BASP1: variants seen among roughly 807,000 people sequenced by gnomAD.
BASP1 encodes brain abundant membrane attached signal protein 1.
In BASP1, 1 loss-of-function variant was observed where a neutral mutation model predicts 2.2. That is an observed-to-expected ratio of 0.46 (90% CI 0.16 to 2.17). The LOEUF (loss-of-function observed/expected upper bound fraction) is 2.17. Among genes scored for constraint, BASP1 ranks in the 30% most tolerant of loss-of-function variants. The probability of loss-of-function intolerance (pLI) is 0.27; values close to 1 mark genes in which losing one functional copy is unlikely to be tolerated. For synonymous variants in BASP1, 187 were observed against 154.2 expected (o/e 1.21, Z -1.58); for missense variants, 352 against 327.2 (o/e 1.08, Z -0.58).
intron 1 of BASP1, among the ~76,000 whole-genome samples, chr5:17,222,330 T>C (rs775305813): frequency 2.0e-5 from 3 of 152,206 alleles, no homozygotes; most frequent in African/African-American, 4.8e-5. Flanking sequence ...CTTATACTTA[T>C]GTAACTTAAG....
At chr5:17,232,352 C>G (rs1739648045) in intron 1 of BASP1, among the ~76,000 whole-genome samples, 2 of 152,158 alleles carry the variant, frequency 1.3e-5, no homozygotes, top group African/African-American at 2.4e-5. Context: ...TTAGTAACAG[C>G]CTTTGTGAAG....
chr5:17,256,478 A>C (rs1740213380), intron 1 of BASP1, among the ~76,000 whole-genome samples: 1 of 152,210 alleles, frequency 6.6e-6, no homozygotes, highest in Admixed American at 6.5e-5. Context: ...AGTGAATTTG[A>C]GTGCTCAATA....
In BASP1 at chr5:17,275,690, C is replaced by A; in HGVS notation, c.474C>A (p.Ala158=). The part of the protein sequence containing the change: ...PKKTEAPAAP[A]AQETKSDGAP... The stretch of plus-strand genomic sequence containing the variant: ...AGACTGAGGCGCCCGCAGCTCCTGC[C>A]GCCCAGGAGACCAAAAGTGACGGGG... The change falls in exon 2 of 2, where the codon GCC becomes GCA. Residue 158 remains alanine, a synonymous_variant. Transcript: ENST00000322611. This position sits in a 1 kb window ranked among gnomAD's most constrained non-coding sequence, Gnocchi z 5.3. The A allele has an allele frequency of 6.3e-7, 1 of 1,589,920 alleles. No individual in the cohort carries two copies. Among genetic ancestry groups the A allele is most frequent in the Non-Finnish European group, 8.6e-7 (1 of 1,168,690 alleles).
chr5:17,259,444 G>A (rs7700952), intron 1 of BASP1, among the ~76,000 whole-genome samples: 4,853 of 152,160 alleles, frequency 0.032, 239 homozygotes, highest in African/African-American at 0.11. Context: ...TTATTAATTT[G>A]GCAAACATTT....
chr5:17,235,533 A>G lies in BASP1; in HGVS notation c.-10+17723A>G, dbSNP rs570876102. 9.9e-5 allele frequency among the ~76,000 whole-genome samples: 15 copies of G among 152,182 alleles called. No homozygotes were observed. The South Asian group carries it at 3.1e-3, about 32-fold the overall frequency. ...CACCTCGGCCTCCCAAAGTGCTAGGATTACAGGCGTGAGCCACCACGCCTG... is the reference window on the plus strand; with the variant it reads ...CACCTCGGCCTCCCAAAGTGCTAGGGTTACAGGCGTGAGCCACCACGCCTG... On this transcript the variant is annotated intron_variant, in intron 1 of 1. Transcript: ENST00000322611.
intron 1 of BASP1, among the ~76,000 whole-genome samples, chr5:17,235,015 T>C (rs1739713146): frequency 6.6e-6 from 1 of 152,222 alleles, no homozygotes; most frequent in Admixed American, 6.5e-5. Context: ...ACATCTTAAA[T>C]TTCCATTAAA....
chr5:17,222,240 A>G (rs1243428507), intron 1 of BASP1, among the ~76,000 whole-genome samples: 5 of 152,110 alleles, frequency 3.3e-5, no homozygotes, highest in Non-Finnish European at 7.4e-5. Flanking sequence ...GAAATTCTGT[A>G]TTATATGGGA....
intron 1 of BASP1, among the ~76,000 whole-genome samples, chr5:17,224,464 A>T (rs866057956): frequency 7.4e-6 from 1 of 134,276 alleles, no homozygotes; most frequent in Non-Finnish European, 1.6e-5. Flanking sequence ...GGGGGAAAAA[A>T]GGGGAAGGGG....
chr5:17,255,207 C>G (rs952451380), intron 1 of BASP1, among the ~76,000 whole-genome samples: 1 of 152,136 alleles, frequency 6.6e-6, no homozygotes, highest in Non-Finnish European at 1.5e-5. Flanking sequence ...TGAAGTGACT[C>G]AATCCATTTA....
rs550426159 is a variant in BASP1 at position 17,258,992 on chromosome 5, G to C, written c.-9-16216G>C. 2.6e-4 allele frequency among the ~76,000 whole-genome samples: 39 copies of C among 152,304 alleles called. No individual in the cohort carries two copies. The South Asian group carries it at 7.9e-3, about 31-fold the overall frequency. Reference sequence around the variant, plus strand: ...ACACTATGCTGTTTGAACTCAACATGGCAGTAGAATCTGGAAATGGCACAC... The same window carrying C: ...ACACTATGCTGTTTGAACTCAACATCGCAGTAGAATCTGGAAATGGCACAC... On this transcript the variant is annotated intron_variant, in intron 1 of 1. Transcript: ENST00000322611.
chr5:17,272,291 C>A (rs1209553722), intron 1 of BASP1, among the ~76,000 whole-genome samples: 1 of 152,094 alleles, frequency 6.6e-6, no homozygotes, highest in East Asian at 1.9e-4. Context: ...CATAACATTC[C>A]TGGGCTGAGA....
chr5:17,253,175 A>G (rs1183797369), intron 1 of BASP1, among the ~76,000 whole-genome samples: 1 of 152,170 alleles, frequency 6.6e-6, no homozygotes, highest in Non-Finnish European at 1.5e-5. Context: ...GTTACTTTAA[A>G]AAGGACTTAT....
chr5:17,264,978 A>G (rs1005181192), intron 1 of BASP1, among the ~76,000 whole-genome samples: 2 of 152,250 alleles, frequency 1.3e-5, no homozygotes, highest in Non-Finnish European at 2.9e-5. Flanking sequence ...AGTAGTGAAC[A>G]TAGTAACTTT....
chr5:17,248,737 G>C (rs1437912740), intron 1 of BASP1, among the ~76,000 whole-genome samples: 1 of 151,950 alleles, frequency 6.6e-6, no homozygotes, highest in African/African-American at 2.4e-5. Context: ...CATATTTATG[G>C]GTGCCTACAA....
Position 17,275,164 on chromosome 5 carries a change from T to G in BASP1, c.-9-44T>G. On this transcript the variant is annotated intron_variant, in intron 1 of 1. Coordinates refer to ENST00000322611, the MANE Select transcript of BASP1 (RefSeq NM_006317.5). The surrounding 1 kb of genome is among the most constrained non-coding windows in gnomAD (Gnocchi z 5.3). ...TGCAGCTTTTTGTGGTCCCCACACT[T>G]GCCTAGTAACCGCCGTTTTGTTTTG... 6.3e-7 allele frequency: 1 copy of G among 1,598,976 alleles called. No individual in the cohort carries two copies. The highest frequency in any genetic ancestry group is 1.3e-5 in the African/African-American group (1 of 74,518).
In BASP1 at chr5:17,228,352, G is replaced by GT. The variant is rs1739562139; in HGVS notation, c.-10+10543dup. Among the ~76,000 whole-genome samples the GT allele has an allele frequency of 3.9e-5, 6 of 152,316 alleles. No homozygotes were observed. In the South Asian group the frequency reaches 1.2e-3, roughly 32 times the overall value. On this transcript the variant is annotated intron_variant, in intron 1 of 1. Coordinates refer to ENST00000322611, the MANE Select transcript of BASP1 (RefSeq NM_006317.5). ...AGAGAGGTAACTATCCAATGGAATG[G>GT]TAACATGGTTCCACTACGGTAAGAA...
At chr5:17,225,134 T>G (rs1256738213) in intron 1 of BASP1, among the ~76,000 whole-genome samples, 1 of 152,174 alleles carries the variant, frequency 6.6e-6, no homozygotes, top group Non-Finnish European at 1.5e-5. Flanking sequence ...ACCCAGGTTA[T>G]TTCCCCATAA....
At chr5:17,250,724 C>T (rs1199706651) in intron 1 of BASP1, among the ~76,000 whole-genome samples, 4 of 152,196 alleles carry the variant, frequency 2.6e-5, no homozygotes, top group Admixed American at 2.6e-4. Context: ...CCTGCCTCAG[C>T]CTCCCAAGTA....
At chr5:17,270,892 C>A (rs139250654) in intron 1 of BASP1, among the ~76,000 whole-genome samples, 78 of 152,152 alleles carry the variant, frequency 5.1e-4, no homozygotes, top group African/African-American at 1.7e-3. Flanking sequence ...AAATAACTTG[C>A]CCAAGGATTC....
Sources: gnomAD v4.1 joint callset for allele counts (sites outside exome capture counted in the v4.1 genomes callset) on GRCh38, gnomAD v4.1.1 for gene constraint, Gnocchi (gnomAD v3.1) non-coding constraint, MANE v1.5 for transcripts, NCBI Gene and HGNC (gene_info 2026-07-23, HGNC 2026-07-21) for gene names.